Variants in SAMD8 observed in about 807,000 individuals in gnomAD.
SAMD8 encodes the protein sphingomyelin synthase-related protein 1.
Under a neutral mutation model 42.0 loss-of-function variants are expected in SAMD8, and 20 were observed. That is an observed-to-expected ratio of 0.48 (90% confidence interval 0.34 to 0.69). The LOEUF (loss-of-function observed/expected upper bound fraction) is 0.69. Among genes scored for constraint, SAMD8 ranks in the 30% least tolerant of loss-of-function variants. The pLI is 0.01. For missense variants in SAMD8, 328 were observed against 511.6 expected, an observed-to-expected ratio of 0.64 and a Z score of 3.46; for synonymous variants, 162 against 173.0, an observed-to-expected ratio of 0.94 and a Z score of 0.50.
At chr10:75,111,861 C>G in intron 1 of SAMD8, 139 bp downstream of exon 1, 1 of 1,038,832 alleles carries the variant, frequency 9.6e-7, no homozygotes, top group Non-Finnish European at 1.2e-6. Flanking sequence ...TTGAGGGAAC[C>G]GGGATAGTCA....
intron 1 of SAMD8, among the ~76,000 whole-genome samples, chr10:75,138,817 A>G (rs1839951256): frequency 6.6e-6 from 1 of 152,216 alleles, no homozygotes; most frequent in South Asian, 2.1e-4. Context: ...CATATTGTTC[A>G]GAACAGTCCG....
Position 75,160,723 on chromosome 10 carries a change from T to C in SAMD8, c.579-3922T>C, listed in dbSNP as rs1250293823. 7.2e-5 allele frequency among the ~76,000 whole-genome samples: 11 copies of C among 152,006 alleles called. No individual in the cohort carries two copies. In the South Asian group the frequency reaches 2.1e-3, roughly 29 times the overall value. ...TGGAAAGTAGAACGCTAAGTACCTG[T>C]TGTGAGGTTGTGGGTGGAAGGTGGC... On this transcript the variant is annotated intron_variant, in intron 2 of 5. Transcript: ENST00000542569.
intron 1 of SAMD8, among the ~76,000 whole-genome samples, chr10:75,135,655 C>T (rs1177248327): frequency 1.3e-5 from 2 of 151,692 alleles, no homozygotes; most frequent in African/African-American, 4.8e-5. Context: ...GAAACCCTCT[C>T]TCTACTAAAA....
At chr10:75,174,145 G>A (rs938553174) in intron 4 of SAMD8, among the ~76,000 whole-genome samples, 4 of 152,102 alleles carry the variant, frequency 2.6e-5, no homozygotes, top group African/African-American at 7.2e-5. Flanking sequence ...ACGGAGTCTC[G>A]CTCTGTCGCC....
chr10:75,155,978 A>G (rs1301321762), intron 2 of SAMD8, among the ~76,000 whole-genome samples: 1 of 152,182 alleles, frequency 6.6e-6, no homozygotes, highest in East Asian at 1.9e-4. Context: ...TGGGAGACCC[A>G]GGCGGGAGGA....
At chr10:75,155,695 C>T (rs1457113026) in intron 2 of SAMD8, among the ~76,000 whole-genome samples, 1 of 152,154 alleles carries the variant, frequency 6.6e-6, no homozygotes, top group Non-Finnish European at 1.5e-5. Flanking sequence ...ATGAGCACAA[C>T]AGTATTTGTT....
chr10:75,100,984 T>C (rs1336972495), intron 1 of SAMD8, among the ~76,000 whole-genome samples: 1 of 152,272 alleles, frequency 6.6e-6, no homozygotes, highest in East Asian at 1.9e-4. Context: ...CCCTGGACTT[T>C]CTTCCTGCCC....
chr10:75,132,823 T>C (rs2134448099), intron 1 of SAMD8, among the ~76,000 whole-genome samples: 1 of 151,624 alleles, frequency 6.6e-6, no homozygotes, highest in Middle Eastern at 3.4e-3. Flanking sequence ...ACCCTATCTC[T>C]ACAAAAAATA....
At chr10:75,131,343 T>G (rs942755055) in intron 1 of SAMD8, among the ~76,000 whole-genome samples, 4 of 152,226 alleles carry the variant, frequency 2.6e-5, no homozygotes. Context: ...TACATTTTGA[T>G]TTGATGTTGG....
At chr10:75,169,419 T>A (rs1414414139) in intron 4 of SAMD8, among the ~76,000 whole-genome samples, 1 of 148,174 alleles carries the variant, frequency 6.7e-6, no homozygotes, top group Non-Finnish European at 1.5e-5. Flanking sequence ...GAGGCGGAGG[T>A]TGTAGTGAGC....
chr10:75,150,621 C>T lies in SAMD8; in HGVS notation c.93C>T (p.Asp31=), dbSNP rs1375389606. The T allele has an allele frequency of 5.0e-6, 8 of 1,614,116 alleles. No individual in the cohort carries two copies. The highest frequency in any genetic ancestry group is 6.8e-6 in the Non-Finnish European group (8 of 1,180,020). Residue 31 remains aspartate (D), a synonymous_variant, in exon 2 of 6, where the codon GAC becomes GAT. Coordinates refer to ENST00000542569, the MANE Select transcript of SAMD8 (RefSeq NM_001174156.2). Reference sequence around the variant, plus strand: ...ATGAAGGCTTTTTTGAATATGTGGACATTTTATGCAATAAGCACCGACTTG... The same window carrying T: ...ATGAAGGCTTTTTTGAATATGTGGATATTTTATGCAATAAGCACCGACTTG... ...LKDEGFFEYV[D]ILCNKHRLDG... is the part of the protein sequence containing the mutation.
intron 2 of SAMD8, among the ~76,000 whole-genome samples, chr10:75,163,645 C>T (rs1024020616): frequency 1.3e-5 from 2 of 151,920 alleles, no homozygotes; most frequent in Non-Finnish European, 2.9e-5. Context: ...GGTTGTTCAC[C>T]ATGTTGCCCA....
chr10:75,157,018 G>T (rs1463443474), intron 2 of SAMD8, among the ~76,000 whole-genome samples: 2 of 152,006 alleles, frequency 1.3e-5, no homozygotes, highest in African/African-American at 2.4e-5. Flanking sequence ...CATAATGTCT[G>T]CAACTTACTT....
Position 75,104,867 on chromosome 10 carries a change from A to G in SAMD8, c.-16+5139A>G, listed in dbSNP as rs541167668. Among the ~76,000 whole-genome samples the G allele has an allele frequency of 1.6e-4, 24 of 152,124 alleles. 1 individual carries two copies. In the South Asian group the frequency reaches 4.8e-3, roughly 30 times the overall value. Reference sequence around the variant, plus strand: ...TTCTGCTTGGGCTGGCTATGCCTTCAGAGACAGGAACTGCTCTTAGGGGTG... The same window carrying G: ...TTCTGCTTGGGCTGGCTATGCCTTCGGAGACAGGAACTGCTCTTAGGGGTG... On this transcript the variant is annotated intron_variant, in intron 1 of 3. Coordinates refer to the SAMD8 transcript ENST00000447533.
At chr10:75,154,298 G>C (rs1840361938) in intron 2 of SAMD8, among the ~76,000 whole-genome samples, 1 of 152,182 alleles carries the variant, frequency 6.6e-6, no homozygotes, top group South Asian at 2.1e-4. Context: ...ACTGAAAGCT[G>C]TTTAAGAAGT....
At chr10:75,114,815 A>G (rs999775564) in intron 1 of SAMD8, among the ~76,000 whole-genome samples, 10 of 152,182 alleles carry the variant, frequency 6.6e-5, no homozygotes, top group African/African-American at 2.2e-4. Context: ...ATGCCAGTGG[A>G]TTGTTAATGA....
chr10:75,173,723 A>G (rs536670511), intron 4 of SAMD8, among the ~76,000 whole-genome samples: 6 of 152,162 alleles, frequency 3.9e-5, no homozygotes, highest in Non-Finnish European at 8.8e-5. Flanking sequence ...TTTCCCTCAA[A>G]TGAGGCAGAA....
At chr10:75,140,742 T>C (rs925042561) in intron 1 of SAMD8, among the ~76,000 whole-genome samples, 1 of 152,224 alleles carries the variant, frequency 6.6e-6, no homozygotes, top group African/African-American at 2.4e-5. Context: ...ATAATAAGTG[T>C]TTAAATCAGC....
chr10:75,111,491 A>T (rs1848765572), upstream of SAMD8: 1 of 1,223,398 alleles, frequency 8.2e-7, no homozygotes, highest in African/African-American at 1.6e-5. Context: ...CGCCTCCCGA[A>T]GCAGTTCCGG....
Sources: allele counts gnomAD v4.1 joint callset (sites outside exome capture counted in the v4.1 genomes callset), GRCh38; gene constraint gnomAD v4.1.1; transcripts MANE v1.5; gene names NCBI Gene and HGNC (gene_info 2026-07-23, HGNC 2026-07-21).